The following ERBB4 variants were observed in gnomAD, a reference collection of about 807,000 sequenced individuals.
ERBB4 encodes receptor tyrosine-protein kinase erbB-4.
In ERBB4, 42 loss-of-function variants were observed where a neutral mutation model predicts 158.0. The observed-to-expected ratio is 0.27, with a 90% CI of 0.21 to 0.34. ERBB4 has a LOEUF of 0.34. Ranked by LOEUF, ERBB4 falls within the 10% of genes least tolerant of loss-of-function variation. The pLI is 1.00. For missense variants in ERBB4, 1,333 were observed against 1,624.1 expected, an observed-to-expected ratio of 0.82 and a Z score of 3.08; for synonymous variants, 583 against 558.7, an observed-to-expected ratio of 1.04 and a Z score of -0.61.
chr2:212,260,571 G>T (rs1339694200), intron 1 of ERBB4, among the ~76,000 whole-genome samples: 1 of 152,136 alleles, frequency 6.6e-6, no homozygotes, highest in Non-Finnish European at 1.5e-5. Flanking sequence ...CCAGCACTTT[G>T]GGAGGCCGAG....
chr2:211,701,756 C>CAAAAA (rs71409856), intron 12 of ERBB4, among the ~76,000 whole-genome samples: 31 of 66,640 alleles, frequency 4.7e-4, no homozygotes, highest in African/African-American at 8.5e-4. Flanking sequence ...GACTCCGTCT[C>CAAAAA]AAAAAAAAAA....
intron 20 of ERBB4, among the ~76,000 whole-genome samples, chr2:211,510,228 A>G (rs1391295648): frequency 6.6e-6 from 1 of 152,188 alleles, no homozygotes; most frequent in Non-Finnish European, 1.5e-5. Flanking sequence ...AATAAGTACC[A>G]CATGTTCTCA....
intron 1 of ERBB4, among the ~76,000 whole-genome samples, chr2:212,485,213 T>C (rs1162251096): frequency 6.6e-6 from 1 of 152,196 alleles, no homozygotes; most frequent in East Asian, 1.9e-4. Flanking sequence ...TAGTTTTTTT[T>C]CTTCAATTCT....
intron 1 of ERBB4, among the ~76,000 whole-genome samples, chr2:212,478,936 C>T (rs530494475): frequency 2.0e-5 from 3 of 152,252 alleles, no homozygotes; most frequent in South Asian, 4.1e-4. Context: ...TCCCACTTTT[C>T]CTACATTCTC....
intron 2 of ERBB4, among the ~76,000 whole-genome samples, chr2:211,968,996 T>C (rs2081380338): frequency 6.6e-6 from 1 of 152,010 alleles, no homozygotes; most frequent in East Asian, 1.9e-4. Context: ...AAGATTAAGT[T>C]TTACTTTTTT....
chr2:211,498,473 T>C (rs540766169), intron 20 of ERBB4, among the ~76,000 whole-genome samples: 12 of 152,248 alleles, frequency 7.9e-5, no homozygotes, highest in Non-Finnish European at 1.5e-4. Context: ...ACAAGCTGCT[T>C]ATAATTATTT....
intron 2 of ERBB4, among the ~76,000 whole-genome samples, chr2:212,059,906 C>A (rs1167124087): frequency 6.6e-6 from 1 of 152,110 alleles, no homozygotes; most frequent in Non-Finnish European, 1.5e-5. Flanking sequence ...TCTAAAACAC[C>A]AAAAGCAATG....
intron 1 of ERBB4, among the ~76,000 whole-genome samples, chr2:212,206,589 C>CTTTTTTTGTT (rs2082755625): frequency 8.6e-6 from 1 of 116,450 alleles, no homozygotes; most frequent in Non-Finnish European, 1.8e-5. Context: ...CTGTTCTGTT[C>CTTTTTTTGTT]TTTTTTTTTT....
intron 16 of ERBB4, among the ~76,000 whole-genome samples, chr2:211,634,466 T>G (rs376139950): frequency 9.2e-5 from 14 of 152,328 alleles, no homozygotes; most frequent in African/African-American, 3.1e-4. Flanking sequence ...ATTTTTATGA[T>G]TCCTAGATGT....
intron 2 of ERBB4, among the ~76,000 whole-genome samples, chr2:212,093,922 A>T (rs2078853049): frequency 6.6e-6 from 1 of 152,218 alleles, no homozygotes; most frequent in African/African-American, 2.4e-5. Flanking sequence ...TCACGCTGTT[A>T]CTGAATAGTA....
At chr2:211,669,630 G>T (rs552067588) in intron 14 of ERBB4, among the ~76,000 whole-genome samples, 154 of 152,190 alleles carry the variant, frequency 1.0e-3, no homozygotes, top group African/African-American at 3.4e-3. Flanking sequence ...GGACATAAGC[G>T]CAAAGGCCTT....
At chr2:211,716,065 TAGA>T (rs2073885303) in intron 7 of ERBB4, among the ~76,000 whole-genome samples, 1 of 152,154 alleles carries the variant, frequency 6.6e-6, no homozygotes, top group South Asian at 2.1e-4. Flanking sequence ...GACCTGCATT[TAGA>T]AGCTGAATGT....
intron 16 of ERBB4, among the ~76,000 whole-genome samples, chr2:211,648,731 C>T (rs999152881): frequency 1.3e-5 from 2 of 151,776 alleles, no homozygotes; most frequent in Non-Finnish European, 3.0e-5. Flanking sequence ...GTTACTACTT[C>T]CAATCAATTT....
intron 3 of ERBB4, among the ~76,000 whole-genome samples, chr2:211,801,207 C>G (rs1011452692): frequency 6.6e-6 from 1 of 151,912 alleles, no homozygotes; most frequent in South Asian, 2.1e-4. Context: ...GCTTAATATT[C>G]TAATCACTGT....
chr2:212,192,095 TAA>T (rs1489142137), intron 1 of ERBB4, among the ~76,000 whole-genome samples: 13 of 125,712 alleles, frequency 1.0e-4, no homozygotes, highest in Admixed American at 2.7e-4. Flanking sequence ...ATATATTATA[TAA>T]GTTATATATT....
chr2:212,090,582 A>G (rs759864947), intron 2 of ERBB4, among the ~76,000 whole-genome samples: 1 of 152,100 alleles, frequency 6.6e-6, no homozygotes, highest in Non-Finnish European at 1.5e-5. Flanking sequence ...ATTATAACTG[A>G]TCACTCATTT....
At chr2:212,078,594 G>T (rs1266408108) in intron 2 of ERBB4, among the ~76,000 whole-genome samples, 5 of 151,814 alleles carry the variant, frequency 3.3e-5, no homozygotes, top group Non-Finnish European at 7.4e-5. Context: ...AATTAATTTT[G>T]TGGTGTTGTA....
At chr2:212,395,536 C>A (rs1293025739) in intron 1 of ERBB4, among the ~76,000 whole-genome samples, 1 of 151,096 alleles carries the variant, frequency 6.6e-6, no homozygotes, top group Non-Finnish European at 1.5e-5. Flanking sequence ...AAGAGCATAC[C>A]TTTATGCTTA....
At chr2:211,742,860 A>G (rs749221985) in intron 5 of ERBB4, among the ~76,000 whole-genome samples, 2 of 151,960 alleles carry the variant, frequency 1.3e-5, no homozygotes, top group Non-Finnish European at 2.9e-5. Context: ...TTATTTTACT[A>G]TTATTCTATT....
Sources: gnomAD v4.1 joint callset for allele counts (sites outside exome capture counted in the v4.1 genomes callset) on GRCh38, gnomAD v4.1.1 for gene constraint, MANE v1.5 for transcripts, NCBI Gene and HGNC (gene_info 2026-07-23, HGNC 2026-07-21) for gene names.